The following SLC35F1 variants were observed in gnomAD, a reference collection of about 807,000 sequenced individuals.
The protein encoded by SLC35F1 is solute carrier family 35 member F1, also known as chromosome 6 open reading frame 169.
Under a neutral mutation model 48.7 loss-of-function variants are expected in SLC35F1, and 14 were observed. That is an observed-to-expected ratio of 0.29 (90% CI 0.19 to 0.45). The LOEUF (loss-of-function observed/expected upper bound fraction) is 0.45. Ranked by LOEUF, SLC35F1 falls within the 20% of genes least tolerant of loss-of-function variation. SLC35F1 has a pLI of 1.00. For synonymous variants in SLC35F1, 190 were observed against 202.2 expected, an observed-to-expected ratio of 0.94 and a Z score of 0.51; for missense variants, 404 against 500.0, an observed-to-expected ratio of 0.81 and a Z score of 1.83.
chr6:118,140,593 C>CT (rs746621686), intron 1 of SLC35F1, among the ~76,000 whole-genome samples: 2 of 94,408 alleles, frequency 2.1e-5, no homozygotes, highest in East Asian at 2.6e-4. Flanking sequence ...GAGTGTATTC[C>CT]TTATATTTTT....
intron 1 of SLC35F1, among the ~76,000 whole-genome samples, chr6:117,927,286 G>A (rs1487557120): frequency 6.6e-6 from 1 of 152,236 alleles, no homozygotes; most frequent in African/African-American, 2.4e-5. Flanking sequence ...TTCATGGTCT[G>A]AGAGTTGAGA....
At chr6:118,067,993 T>A (rs1388382399) in intron 1 of SLC35F1, among the ~76,000 whole-genome samples, 1 of 152,110 alleles carries the variant, frequency 6.6e-6, no homozygotes, top group Non-Finnish European at 1.5e-5. Flanking sequence ...ATGGAGGTCA[T>A]GGGAGGCAGG....
intron 1 of SLC35F1, among the ~76,000 whole-genome samples, chr6:118,138,971 AAC>A (rs58109876): frequency 5.0e-4 from 75 of 149,932 alleles, no homozygotes; most frequent in South Asian, 2.3e-3. Flanking sequence ...TTTCAGCAGA[AAC>A]ACACACACAC....
At chr6:118,183,546 G>A (rs185424545) in intron 2 of SLC35F1, among the ~76,000 whole-genome samples, 1 of 151,868 alleles carries the variant, frequency 6.6e-6, no homozygotes, top group Admixed American at 6.6e-5. Flanking sequence ...CAGAAAAATT[G>A]CATAGAACTC....
At chr6:118,232,970 T>TG (rs1372697668) in intron 2 of SLC35F1, among the ~76,000 whole-genome samples, 12 of 122,594 alleles carry the variant, frequency 9.8e-5, no homozygotes, top group Admixed American at 9.2e-4. Context: ...AGGACTTTTC[T>TG]GGTTTTTTTT....
At chr6:117,973,215 C>T (rs762530877) in intron 1 of SLC35F1, among the ~76,000 whole-genome samples, 2 of 152,098 alleles carry the variant, frequency 1.3e-5, no homozygotes, top group Non-Finnish European at 1.5e-5. Context: ...ACCTATGTGT[C>T]CCTAGTCTCT....
chr6:118,220,764 G>A (rs1462195414), intron 2 of SLC35F1, among the ~76,000 whole-genome samples: 1 of 152,210 alleles, frequency 6.6e-6, no homozygotes, highest in Non-Finnish European at 1.5e-5. Context: ...ATCTGATGTA[G>A]TCAAGAAGTA....
At chr6:117,907,990 C>A in intron 1 of SLC35F1, 91 bp downstream of exon 1, 3 of 1,191,788 alleles carry the variant, frequency 2.5e-6, no homozygotes, top group Non-Finnish European at 3.2e-6. Context: ...GCCCACGGGT[C>A]CTTTGGGACG....
chr6:118,054,007 T>C (rs1488586332), intron 1 of SLC35F1, among the ~76,000 whole-genome samples: 2 of 152,228 alleles, frequency 1.3e-5, no homozygotes, highest in Admixed American at 6.5e-5. Context: ...ATTTAACATA[T>C]GCCAAATGGT....
At chr6:118,156,632 C>T (rs921798328) in intron 2 of SLC35F1, among the ~76,000 whole-genome samples, 5 of 149,662 alleles carry the variant, frequency 3.3e-5, no homozygotes, top group Admixed American at 1.3e-4. Flanking sequence ...CAAACCTGCA[C>T]GTTGTGCACA....
At chr6:118,269,787 A>G (rs916982465) in intron 4 of SLC35F1, among the ~76,000 whole-genome samples, 5 of 152,070 alleles carry the variant, frequency 3.3e-5, no homozygotes, top group Non-Finnish European at 5.9e-5. Context: ...AGAAATCCCA[A>G]CGACTCAAGA....
chr6:118,206,780 C>A (rs1355849413), intron 2 of SLC35F1, among the ~76,000 whole-genome samples: 1 of 152,044 alleles, frequency 6.6e-6, no homozygotes, highest in East Asian at 1.9e-4. Flanking sequence ...CACAGGGAAC[C>A]AAGAGACAAA....
intron 1 of SLC35F1, among the ~76,000 whole-genome samples, chr6:118,092,299 G>C (rs1773085552): frequency 6.6e-6 from 1 of 152,166 alleles, no homozygotes; most frequent in African/African-American, 2.4e-5. Context: ...TGGTTTCATG[G>C]GCCAGGCCAT....
Position 118,069,295 on chromosome 6 carries a change from A to G in SLC35F1, c.174-85150A>G, listed in dbSNP as rs184459664. Among the ~76,000 whole-genome samples, 1,029 of 152,304 alleles carry G rather than the reference A, an allele frequency of 6.8e-3. 6 individuals are homozygous for G. Among genetic ancestry groups the G allele is most frequent in the Middle Eastern group, 0.031 (9 of 294 alleles). ...GGTAACACTAAATTTTTATTTCAGGACATATCGAATCTAAAGTCTTAACAT... is the reference window on the plus strand; with the variant it reads ...GGTAACACTAAATTTTTATTTCAGGGCATATCGAATCTAAAGTCTTAACAT... On this transcript the variant is annotated intron_variant, in intron 1 of 7. Coordinates refer to ENST00000360388, the MANE Select transcript of SLC35F1 (RefSeq NM_001029858.4).
At chr6:118,055,041 C>T (rs1426970433) in intron 1 of SLC35F1, among the ~76,000 whole-genome samples, 2 of 152,258 alleles carry the variant, frequency 1.3e-5, no homozygotes, top group African/African-American at 4.8e-5. Flanking sequence ...TCCCATAGTG[C>T]TGGGATTACA....
In SLC35F1 at chr6:118,157,744, G is replaced by A. The variant is rs147088120; in HGVS notation, c.349+3124G>A. Among the ~76,000 whole-genome samples, 237 of 152,292 alleles carry A rather than the reference G, an allele frequency of 1.6e-3. 1 individual carries two copies. Among genetic ancestry groups the A allele is most frequent in the Middle Eastern group, 6.8e-3 (2 of 294 alleles). On this transcript the variant is annotated intron_variant, in intron 2 of 7. Coordinates refer to ENST00000360388, the MANE Select transcript of SLC35F1 (RefSeq NM_001029858.4). ...CAGTCTAGTCCTTCCACGTTACTCT[G>A]CCTGCTTTTATCCCAGCTGTGCTGG...
intron 1 of SLC35F1, among the ~76,000 whole-genome samples, chr6:118,011,511 G>T (rs977047079): frequency 6.6e-6 from 1 of 152,064 alleles, no homozygotes; most frequent in Non-Finnish European, 1.5e-5. Flanking sequence ...CTCCCACCAG[G>T]CCCCTCCTCC....
chr6:117,944,650 A>G lies in SLC35F1; in HGVS notation c.173+36751A>G, dbSNP rs993556390. On this transcript the variant is annotated intron_variant, in intron 1 of 7. Coordinates refer to ENST00000360388, the MANE Select transcript of SLC35F1 (RefSeq NM_001029858.4). ...AATATATTCTAAATGCAAACACATG[A>G]TACGTATTAGTTGATTTGTTTCAAC... Among the ~76,000 whole-genome samples, 3 of 151,578 alleles carry G rather than the reference A, an allele frequency of 2.0e-5. No homozygotes were observed. The East Asian group carries it at 5.8e-4, about 29-fold the overall frequency.
rs923640518 is a variant in SLC35F1, at chr6:118,317,090, C to T, written c.*2838C>T. ...TTCAGTTTCTAACTCCACCACCAAT[C>T]TCTCCTCAATGAATAAGACTTTAGC... On this transcript the variant is annotated 3_prime_UTR_variant, in exon 8 of 8. Coordinates refer to ENST00000360388, the MANE Select transcript of SLC35F1 (RefSeq NM_001029858.4). The T allele has an allele frequency of 4.6e-5, 7 of 152,628 alleles. No individual in the cohort carries two copies. The highest frequency in any genetic ancestry group is 1.4e-4 in the African/African-American group (6 of 41,426). 9.5% of individuals were successfully genotyped at this position (152,628 alleles called of 1,614,324 possible).
Sources: allele counts gnomAD v4.1 joint callset (sites outside exome capture counted in the v4.1 genomes callset), GRCh38; gene constraint gnomAD v4.1.1; transcripts MANE v1.5; gene names NCBI Gene and HGNC (gene_info 2026-07-23, HGNC 2026-07-21).